The following USP25 variants were observed in gnomAD, a reference collection of about 807,000 sequenced individuals.
USP25 encodes the protein ubiquitin specific peptidase 25.
USP25 carries 85 observed loss-of-function variants against 158.5 expected under a neutral mutation model. That is an observed-to-expected ratio of 0.54 (90% CI 0.45 to 0.64). The LOEUF is 0.64. USP25 is among the 30% of genes least tolerant of loss of function. The pLI is 0.00. For missense variants in USP25, 1,242 were observed against 1,327.3 expected (o/e 0.94, Z 1.00); for synonymous variants, 464 against 460.4 (o/e 1.01, Z -0.10).
Position 15,878,731 on chromosome 21 carries a change from C to A in USP25, c.*256C>A. The A allele has an allele frequency of 2.8e-6, 1 of 356,574 alleles. No homozygotes were observed. The highest frequency in any genetic ancestry group is 5.0e-6 in the Non-Finnish European group (1 of 198,470). The allele number at this position is 356,574 out of a possible 1,614,324, so 22.1% of individuals were successfully genotyped here. A position where few individuals can be genotyped will look rare whatever the true frequency, so the allele number is the denominator to read the frequency against. ...TTGATTTTATTATGGCAAAACTATG[C>A]TTTTGCCACCTTCCTGTTGCAGTAT... On this transcript the variant is annotated 3_prime_UTR_variant, in exon 26 of 26. Coordinates refer to ENST00000400183, the MANE Select transcript of USP25 (RefSeq NM_001283041.3).
At chr21:15,738,263 C>T (rs1299522969) in intron 1 of USP25, among the ~76,000 whole-genome samples, 2 of 152,020 alleles carry the variant, frequency 1.3e-5, no homozygotes, top group African/African-American at 4.8e-5. Flanking sequence ...TGCCTTTGTT[C>T]CTTTTTTTCA....
intron 12 of USP25, among the ~76,000 whole-genome samples, chr21:15,825,478 A>T (rs2037455997): frequency 6.6e-6 from 1 of 152,182 alleles, no homozygotes; most frequent in South Asian, 2.1e-4. Flanking sequence ...TGTCAGGTGT[A>T]AGATGGTATG....
chr21:15,874,479 G>A lies in USP25; in HGVS notation c.2962G>A (p.Gly988Arg), dbSNP rs2040020960. 1.9e-6 allele frequency: 3 copies of A among 1,610,800 alleles called. No individual in the cohort carries two copies. Among genetic ancestry groups the A allele is most frequent in the Non-Finnish European group, 2.5e-6 (3 of 1,178,562 alleles). The stretch of plus-strand genomic sequence containing the variant: ...ACTCTTGTCTAAAGGCTTATACAGA[G>A]GACATGATGAAGAATTGATATCACA... Reference protein sequence around the residue: ...KELLSKGLYRGHDEELISHYR... With the variant: ...KELLSKGLYRRHDEELISHYR... The change falls in exon 24 of 26, where the codon GGA (glycine) becomes AGA (arginine). Residue 988 changes from glycine to arginine, a missense_variant. Around this residue, in one of 3 missense-constraint regions of USP25, gnomAD observed 608 missense variants for 605.2 expected, o/e 1.00. Coordinates refer to ENST00000400183, the MANE Select transcript of USP25 (RefSeq NM_001283041.3).
At position 15,875,298 on chromosome 21, in the gene USP25, G is replaced by T. The variant is rs1416985627; in HGVS notation, c.3009+772G>T. 1.3e-5 allele frequency among the ~76,000 whole-genome samples: 2 copies of T among 152,128 alleles called. No homozygotes were observed. Among genetic ancestry groups the T allele is most frequent in the African/African-American group, 4.8e-5 (2 of 41,436 alleles). The stretch of plus-strand genomic sequence containing the variant: ...ACATACATAGAACCAAAACCTGATG[G>T]TTCCTCTGAAACCTTCAAAAAATGG... On this transcript the variant is annotated intron_variant, in intron 24 of 25. Transcript: ENST00000400183. This position sits in a 1 kb window ranked among gnomAD's most constrained non-coding sequence, Gnocchi z 4.7.
At chr21:15,818,908 C>A in intron 10 of USP25, 62 bp downstream of exon 10, 1 of 1,547,666 alleles carries the variant, frequency 6.5e-7, no homozygotes, top group Non-Finnish European at 8.8e-7. Flanking sequence ...TGCTATAGCA[C>A]AATGTAAGGT....
chr21:15,757,376 A>C (rs974307352), intron 1 of USP25, among the ~76,000 whole-genome samples: 2 of 152,124 alleles, frequency 1.3e-5, no homozygotes, highest in Non-Finnish European at 2.9e-5. Flanking sequence ...TTTTCAGTCA[A>C]GATTTATGAA....
At chr21:15,850,312 T>C (rs573630668) in intron 20 of USP25, among the ~76,000 whole-genome samples, 1 of 152,018 alleles carries the variant, frequency 6.6e-6, no homozygotes, top group Non-Finnish European at 1.5e-5. Flanking sequence ...GTTTATAAAA[T>C]GATTTATTTA....
intron 5 of USP25, among the ~76,000 whole-genome samples, chr21:15,795,444 G>A (rs967874883): frequency 1.2e-4 from 18 of 151,260 alleles, no homozygotes; most frequent in African/African-American, 4.1e-4. Flanking sequence ...ACACATATTT[G>A]CTTCATTTTT....
chr21:15,761,503 G>A (rs1317994631), intron 1 of USP25, among the ~76,000 whole-genome samples: 1 of 152,202 alleles, frequency 6.6e-6, no homozygotes, highest in African/African-American at 2.4e-5. Flanking sequence ...ATGGGCTCAA[G>A]CATATATGCA....
At chr21:15,849,592 A>G (rs529322508) in intron 19 of USP25, among the ~76,000 whole-genome samples, 185 bp from the exon 20 acceptor site, 2 of 152,204 alleles carry the variant, frequency 1.3e-5, no homozygotes, top group East Asian at 1.9e-4. Flanking sequence ...AAGGCTCCGT[A>G]TGAGCCAGCT....
chr21:15,856,785 T>A (rs2146520004), intron 20 of USP25, among the ~76,000 whole-genome samples: 1 of 150,080 alleles, frequency 6.7e-6, no homozygotes, highest in Non-Finnish European at 1.5e-5. Context: ...GTATACTCTA[T>A]TTGCTTCTTT....
rs539031295 is a variant in USP25 at position 15,866,218 on chromosome 21, T to C, written c.2727-48T>C. 499 of 1,179,718 alleles carry C rather than the reference T, an allele frequency of 4.2e-4. 9 individuals are homozygous for C. The South Asian group carries it at 9.3e-3, about 22-fold the overall frequency. The allele number at this position is 1,179,718 out of a possible 1,614,324, so 73.1% of individuals were successfully genotyped here. A position where few individuals can be genotyped will look rare whatever the true frequency, so the allele number is the denominator to read the frequency against. ...TGATTTACAAATATATATATATATA[T>C]ATACACACACATACACACACGCTCA... is the stretch of plus-strand genomic sequence containing the variant. On this transcript the variant is annotated intron_variant, in intron 21 of 25. Coordinates refer to ENST00000400183, the MANE Select transcript of USP25 (RefSeq NM_001283041.3).
At chr21:15,866,064 T>G (rs1002148126) in intron 21 of USP25, among the ~76,000 whole-genome samples, 1 of 152,120 alleles carries the variant, frequency 6.6e-6, no homozygotes, top group African/African-American at 2.4e-5. Flanking sequence ...TGAATTAGAA[T>G]TATTGCTCCT....
intron 6 of USP25, among the ~76,000 whole-genome samples, chr21:15,804,006 A>G (rs2036256848): frequency 6.6e-6 from 1 of 152,022 alleles, no homozygotes; most frequent in Non-Finnish European, 1.5e-5. Context: ...CATGTTTAAT[A>G]TCTAAATTTT....
intron 4 of USP25, among the ~76,000 whole-genome samples, 186 bp from the exon 5 acceptor site, chr21:15,791,316 A>G (rs2035577708): frequency 6.6e-6 from 1 of 151,862 alleles, no homozygotes; most frequent in Admixed American, 6.6e-5. Context: ...AGGAAAAAAG[A>G]CTATACTTCT....
intron 4 of USP25, 148 bp downstream of exon 4, chr21:15,778,175 C>A: frequency 1.3e-6 from 1 of 769,732 alleles, no homozygotes; most frequent in Non-Finnish European, 1.9e-6. Context: ...TTTATGTAAC[C>A]AAAATCTTCA....
In USP25 at chr21:15,858,091, T is replaced by C. The variant is rs1002794913; in HGVS notation, c.2548-6177T>C. ...AATACACTGAATACCAGTGATCTTA[T>C]TGTAGATCGTTTGTAATACACTTTC... On this transcript the variant is annotated intron_variant, in intron 20 of 25. Transcript: ENST00000400183. 7.2e-5 allele frequency among the ~76,000 whole-genome samples: 11 copies of C among 152,198 alleles called. No individual in the cohort carries two copies. The East Asian group carries it at 1.2e-3, about 16-fold the overall frequency.
intron 19 of USP25, among the ~76,000 whole-genome samples, chr21:15,848,626 T>G (rs1161691032): frequency 6.6e-6 from 1 of 151,990 alleles, no homozygotes; most frequent in African/African-American, 2.4e-5. Flanking sequence ...TTATGTTAAG[T>G]TTTTTTTCAC....
rs759329206 is a variant in USP25, at chr21:15,878,315, A to G, written c.3218A>G (p.Glu1073Gly). 6 of 1,611,798 alleles carry G rather than the reference A, an allele frequency of 3.7e-6. No individual in the cohort carries two copies. The African/African-American group carries it at 4.0e-5, about 11-fold the overall frequency. ...LGQEMEPHLQEKLTDFLPKLL... is the reference protein window; with the variant it reads ...LGQEMEPHLQGKLTDFLPKLL... The stretch of plus-strand genomic sequence containing the variant: ...TTTGTATTTGCAGCACACCTCCAAG[A>G]AAAGCTGACAGATTTTTTGCCAAAA... Residue 1073 changes from glutamate (E) to glycine (G), a missense_variant, in exon 26 of 26, where the codon GAA becomes GGA. By Grantham distance (98) the Glu-to-Gly change is moderately conservative. This residue lies in a region of USP25 where 608 missense variants were observed against 605.2 expected (regional missense o/e 1.00). Transcript: ENST00000400183.
Sources: allele counts gnomAD v4.1 joint callset (sites outside exome capture counted in the v4.1 genomes callset), GRCh38; gene constraint gnomAD v4.1.1; regional missense constraint gnomAD v4.1.1; non-coding constraint Gnocchi (gnomAD v3.1); transcripts MANE v1.5; gene names NCBI Gene and HGNC (gene_info 2026-07-23, HGNC 2026-07-21).